Variants in NEBL observed in about 807,000 individuals in gnomAD.
The protein encoded by NEBL is nebulette.
In NEBL, 122 loss-of-function variants were observed where a neutral mutation model predicts 140.2. The observed-to-expected ratio is 0.87, with a 90% CI of 0.75 to 1.01. The LOEUF (loss-of-function observed/expected upper bound fraction) is 1.01. Ranked by LOEUF, NEBL falls within the 50% of genes least tolerant of loss-of-function variation. The probability of loss-of-function intolerance (pLI) is 0.00; values close to 1 mark genes in which losing one functional copy is unlikely to be tolerated. For missense variants in NEBL, 1,365 were observed against 1,231.3 expected, an observed-to-expected ratio of 1.11 and a Z score of -1.62; for synonymous variants, 436 against 398.9, an observed-to-expected ratio of 1.09 and a Z score of -1.11.
chr10:20,813,649 T>C, intron 23 of NEBL: 1 of 324,160 alleles, frequency 3.1e-6, no homozygotes, highest in South Asian at 4.5e-5. Context: ...AAATTTTGTC[T>C]TAGAATTAAT....
intron 26 of NEBL, among the ~76,000 whole-genome samples, chr10:20,798,762 C>G (rs1196956644): frequency 6.6e-6 from 1 of 152,142 alleles, no homozygotes; most frequent in Non-Finnish European, 1.5e-5. Flanking sequence ...TGTATTGTTT[C>G]TAGTTTAAGT....
At chr10:21,278,514 C>T (rs972010256) in intron 1 of NEBL, among the ~76,000 whole-genome samples, 3 of 152,090 alleles carry the variant, frequency 2.0e-5, no homozygotes, top group African/African-American at 7.2e-5. Context: ...ACTGCTAGGG[C>T]TGGGAGGAGT....
chr10:20,857,610 G>C (rs1843214043), intron 9 of NEBL, among the ~76,000 whole-genome samples: 1 of 152,080 alleles, frequency 6.6e-6, no homozygotes, highest in Non-Finnish European at 1.5e-5. Context: ...GCGAAGTCAG[G>C]GTCCTGATGT....
intron 3 of NEBL, among the ~76,000 whole-genome samples, chr10:20,991,818 C>T (rs1837469513): frequency 8.3e-6 from 1 of 120,980 alleles, no homozygotes; most frequent in Non-Finnish European, 1.6e-5. Flanking sequence ...ATCTTTGTGT[C>T]CATATGTACT....
chr10:21,205,753 A>G (rs1391439134), intron 3 of NEBL, among the ~76,000 whole-genome samples: 1 of 152,300 alleles, frequency 6.6e-6, no homozygotes, highest in African/African-American at 2.4e-5. Flanking sequence ...GCTCTATAAT[A>G]AGTATTAGAT....
At chr10:21,183,977 C>T (rs1048343493) in intron 3 of NEBL, among the ~76,000 whole-genome samples, 1 of 152,086 alleles carries the variant, frequency 6.6e-6, no homozygotes, top group Non-Finnish European at 1.5e-5. Flanking sequence ...ACCTGCCTTT[C>T]ACCTTCCACC....
At chr10:20,960,181 G>A (rs1396326588) in intron 4 of NEBL, among the ~76,000 whole-genome samples, 1 of 152,066 alleles carries the variant, frequency 6.6e-6, no homozygotes, top group East Asian at 1.9e-4. Flanking sequence ...AGTGATTGTT[G>A]AAGATGTATA....
intron 3 of NEBL, among the ~76,000 whole-genome samples, chr10:21,225,888 G>T (rs1193783475): frequency 6.6e-6 from 1 of 152,158 alleles, no homozygotes; most frequent in Non-Finnish European, 1.5e-5. Context: ...ACTGTGGTCA[G>T]CTGGTACCTA....
intron 2 of NEBL, among the ~76,000 whole-genome samples, chr10:21,123,077 T>C (rs1438976675): frequency 6.6e-6 from 1 of 152,166 alleles, no homozygotes; most frequent in Non-Finnish European, 1.5e-5. Context: ...TGCTTAACAC[T>C]TTCCCTGGAC....
chr10:20,869,940 G>T, intron 5 of NEBL, 99 bp from the exon 6 acceptor site: 1 of 842,210 alleles, frequency 1.2e-6, no homozygotes, highest in Non-Finnish European at 2.0e-6. Flanking sequence ...CATAATAATA[G>T]CTTAGAGAGC....
In NEBL at chr10:20,817,619, T is replaced by C. The variant is rs1236560629; in HGVS notation, c.2129A>G (p.Asn710Ser). 6.2e-7 allele frequency: 1 copy of C among 1,613,584 alleles called. No individual in the cohort carries two copies. Among genetic ancestry groups the C allele is most frequent in the South Asian group, 1.1e-5 (1 of 91,062 alleles). ...TCACACATTGCTGATGTTTTTCTGG[T>C]TTTCTTTTGCCCTCTTCAGCTCTGG... ...DPPELKRAKE[N>S]QKNISNVYYR... Residue 710 changes from asparagine to serine, a missense_variant, in exon 21 of 28, where the codon AAC becomes AGC. This residue lies in a region of NEBL where 1,323 missense variants were observed against 1,154.8 expected (regional missense o/e 1.15). Transcript: ENST00000377122.
At chr10:20,917,552 C>T (rs1833366743) in intron 4 of NEBL, among the ~76,000 whole-genome samples, 1 of 152,182 alleles carries the variant, frequency 6.6e-6, no homozygotes, top group East Asian at 1.9e-4. Context: ...CATTACTATG[C>T]ATCACGTACC....
At chr10:21,266,314 G>T (rs573690569) in intron 1 of NEBL, among the ~76,000 whole-genome samples, 1 of 152,062 alleles carries the variant, frequency 6.6e-6, no homozygotes, top group South Asian at 2.1e-4. Flanking sequence ...GCTAATTTTT[G>T]TATTTTTGGT....
chr10:20,949,302 G>A (rs1298116860), intron 4 of NEBL, among the ~76,000 whole-genome samples: 1 of 152,058 alleles, frequency 6.6e-6, no homozygotes, highest in African/African-American at 2.4e-5. Context: ...GTTGGGGGAT[G>A]GGGGAAAAGC....
chr10:20,962,974 T>C (rs1276987684), intron 3 of NEBL, among the ~76,000 whole-genome samples: 1 of 149,128 alleles, frequency 6.7e-6, no homozygotes, highest in African/African-American at 2.5e-5. Context: ...ACGACAAGAT[T>C]TTCTTTTACC....
intron 3 of NEBL, among the ~76,000 whole-genome samples, chr10:20,994,528 C>T (rs767811899): frequency 4.1e-4 from 62 of 152,030 alleles, no homozygotes; most frequent in Admixed American, 2.2e-3. Flanking sequence ...TTCCATTGGC[C>T]GTAATATAAA....
At chr10:21,254,940 A>G (rs1412554562) in intron 1 of NEBL, among the ~76,000 whole-genome samples, 3 of 152,206 alleles carry the variant, frequency 2.0e-5, no homozygotes, top group African/African-American at 4.8e-5. Context: ...TTGAGGTCCA[A>G]GTTCACATGG....
rs908183239 is a variant in NEBL, at chr10:21,266,949, G to GT, written n.183-15122dup. Among the ~76,000 whole-genome samples the GT allele has an allele frequency of 1.7e-3, 258 of 151,250 alleles. 1 individual carries two copies. The highest frequency in any genetic ancestry group is 5.4e-3 in the African/African-American group (224 of 41,250). Reference sequence around the variant, plus strand: ...GCACCACCATGACTGGATAATTTTTGTTTTTTTTGTTTATTTGGGGTTTTT... The same window carrying GT: ...GCACCACCATGACTGGATAATTTTTGTTTTTTTTTGTTTATTTGGGGTTTTT... On this transcript the variant is annotated intron_variant and non_coding_transcript_variant, in intron 1 of 8. Coordinates refer to the NEBL transcript ENST00000675702.
At chr10:20,980,267 C>T (rs540473754) in intron 3 of NEBL, among the ~76,000 whole-genome samples, 1 of 151,756 alleles carries the variant, frequency 6.6e-6, no homozygotes, top group Non-Finnish European at 1.5e-5. Flanking sequence ...TTTTGTCCAG[C>T]TCTGGTGGTC....
Sources: allele counts gnomAD v4.1 joint callset (sites outside exome capture counted in the v4.1 genomes callset), GRCh38; gene constraint gnomAD v4.1.1; regional missense constraint gnomAD v4.1.1; transcripts MANE v1.5; gene names NCBI Gene and HGNC (gene_info 2026-07-23, HGNC 2026-07-21).